PTPRN2: variants seen among roughly 807,000 people sequenced by gnomAD.
PTPRN2 encodes the protein protein tyrosine phosphatase receptor type N2.
PTPRN2 carries 74 observed loss-of-function variants against 118.8 expected under a neutral mutation model. The ratio of observed to expected loss-of-function variants is 0.62; its 90% CI spans 0.52 to 0.76. The LOEUF (loss-of-function observed/expected upper bound fraction) is 0.76, where lower values mean the gene tolerates loss of function less well. PTPRN2 is among the 30% of genes least tolerant of loss of function. The pLI is 0.00. For missense variants in PTPRN2, 1,481 were observed against 1,394.4 expected, an observed-to-expected ratio of 1.06 and a Z score of -0.99; for synonymous variants, 641 against 608.0, an observed-to-expected ratio of 1.05 and a Z score of -0.80.
At chr7:157,772,354 C>A (rs918527612) in intron 12 of PTPRN2, among the ~76,000 whole-genome samples, 1 of 151,836 alleles carries the variant, frequency 6.6e-6, no homozygotes, top group African/African-American at 2.4e-5. Flanking sequence ...TACACACACA[C>A]ACATACACAC....
intron 12 of PTPRN2, among the ~76,000 whole-genome samples, chr7:157,694,020 G>T (rs1248680432): frequency 2.0e-5 from 3 of 152,278 alleles, no homozygotes; most frequent in African/African-American, 7.2e-5. Flanking sequence ...CGACCCCAGA[G>T]CAAGGCGGAG....
chr7:157,966,990 G>T (rs1027905417), intron 11 of PTPRN2, among the ~76,000 whole-genome samples: 1 of 152,224 alleles, frequency 6.6e-6, no homozygotes, highest in Non-Finnish European at 1.5e-5. Context: ...TTTGGCTGCT[G>T]TTGTAACAAA....
chr7:157,976,682 A>G (rs1308649735), intron 11 of PTPRN2, among the ~76,000 whole-genome samples: 2 of 151,872 alleles, frequency 1.3e-5, no homozygotes, highest in Non-Finnish European at 2.9e-5. Flanking sequence ...GCTTGCACGT[A>G]GCCGTGGACT....
intron 8 of PTPRN2, 139 bp downstream of exon 8, chr7:158,136,516 A>G (rs1457333600): frequency 4.3e-6 from 3 of 705,770 alleles, no homozygotes; most frequent in Non-Finnish European, 7.3e-6. Context: ...CTGTTTTTCA[A>G]TTTGGAGATT....
chr7:158,444,068 C>T (rs77216520), intron 2 of PTPRN2, among the ~76,000 whole-genome samples: 2,526 of 152,334 alleles, frequency 0.017, 62 homozygotes, highest in African/African-American at 0.057. Context: ...TCCCACTGCA[C>T]GGGGAGGTGC....
intron 11 of PTPRN2, among the ~76,000 whole-genome samples, chr7:157,942,906 G>T (rs901929694): frequency 2.0e-5 from 3 of 152,096 alleles, no homozygotes; most frequent in African/African-American, 4.8e-5. Context: ...CTGGGCCCTG[G>T]GTCTCCATGC....
chr7:158,336,759 G>C (rs866049663), intron 2 of PTPRN2, among the ~76,000 whole-genome samples: 1,427 of 21,452 alleles, frequency 0.067, 31 homozygotes, highest in South Asian at 0.13. Context: ...CACACCCACA[G>C]TCTCACCATA....
chr7:158,270,789 CCACCTGGACCACCCCCT>C lies in PTPRN2; in HGVS notation c.277+46013_277+46029del, dbSNP rs1357150502. Among the ~76,000 whole-genome samples, 190 of 78,312 alleles carry C rather than the reference CCACCTGGACCACCCCCT, an allele frequency of 2.4e-3. 12 individuals are homozygous for C. Among genetic ancestry groups the C allele is most frequent in the East Asian group, 8.5e-3 (25 of 2,942 alleles). The allele number at this position is 78,312 out of a possible 152,430, so 51.4% of individuals were successfully genotyped here. On this transcript the variant is annotated intron_variant, in intron 3 of 22. Coordinates refer to ENST00000389418, the MANE Select transcript of PTPRN2 (RefSeq NM_002847.5). ...CACCCCGTCCACCTGGACCACCCCT[CCACCTGGACCACCCCCT>C]CACCTGGACCGCCCCCTCCACCTGG...
chr7:158,447,023 C>T (rs1008615294), intron 2 of PTPRN2, among the ~76,000 whole-genome samples: 5 of 152,208 alleles, frequency 3.3e-5, no homozygotes, highest in East Asian at 3.9e-4. Flanking sequence ...CCAGTAAGGA[C>T]GCAGCTAGGA....
chr7:158,047,454 CGAGGCCTGCCTGCAGTCACTGAGCGTGT>C (rs1563359298), intron 11 of PTPRN2, among the ~76,000 whole-genome samples: 5 of 152,198 alleles, frequency 3.3e-5, no homozygotes, highest in South Asian at 2.1e-4. Flanking sequence ...TTGTGCTGTG[CGAGGCCTGCCTGCAGTCACTGAGCGTGT>C]GAGGCCTGCC....
At chr7:158,256,288 G>C (rs1355023729) in intron 3 of PTPRN2, among the ~76,000 whole-genome samples, 1 of 152,106 alleles carries the variant, frequency 6.6e-6, no homozygotes, top group African/African-American at 2.4e-5. Context: ...ATGCCGACTG[G>C]CTGAGGAAAG....
intron 2 of PTPRN2, among the ~76,000 whole-genome samples, chr7:158,351,432 G>A (rs1312756350): frequency 1.3e-5 from 2 of 152,174 alleles, no homozygotes; most frequent in East Asian, 1.9e-4. Context: ...GGGGCGACTC[G>A]TACACTGTAC....
intron 9 of PTPRN2, among the ~76,000 whole-genome samples, chr7:158,127,487 G>A (rs1817796294): frequency 6.6e-6 from 1 of 152,118 alleles, no homozygotes; most frequent in Non-Finnish European, 1.5e-5. Context: ...GCTGCCGTGG[G>A]ACCCTGACCC....
chr7:158,523,664 C>T (rs1371334976), intron 1 of PTPRN2, among the ~76,000 whole-genome samples: 1 of 87,932 alleles, frequency 1.1e-5, no homozygotes, highest in African/African-American at 4.1e-5. Flanking sequence ...GGAGTGGAGT[C>T]GTCTGCCCTG....
chr7:158,471,983 G>A (rs1337472149), intron 2 of PTPRN2, among the ~76,000 whole-genome samples: 5 of 151,732 alleles, frequency 3.3e-5, no homozygotes, highest in Non-Finnish European at 5.9e-5. Flanking sequence ...GCCCCGCCAC[G>A]GTTCCGGCCC....
chr7:158,475,149 C>T (rs899007926), intron 2 of PTPRN2, among the ~76,000 whole-genome samples: 1 of 152,140 alleles, frequency 6.6e-6, no homozygotes, highest in Non-Finnish European at 1.5e-5. Flanking sequence ...CGGTGGCAGG[C>T]GGGAGGGCTC....
At chr7:157,708,107 C>T (rs1309026100) in intron 12 of PTPRN2, among the ~76,000 whole-genome samples, 2 of 152,270 alleles carry the variant, frequency 1.3e-5, no homozygotes, top group African/African-American at 2.4e-5. Flanking sequence ...TCCCTGTAAG[C>T]AGGACAGTGG....
At chr7:158,244,682 G>A (rs1796089523) in intron 3 of PTPRN2, among the ~76,000 whole-genome samples, 1 of 151,542 alleles carries the variant, frequency 6.6e-6, no homozygotes, top group African/African-American at 2.4e-5. Flanking sequence ...TCTGTAAGCT[G>A]TGTAAGTTGT....
chr7:157,752,062 G>A (rs1439191775), intron 12 of PTPRN2, among the ~76,000 whole-genome samples: 1 of 152,158 alleles, frequency 6.6e-6, no homozygotes. Flanking sequence ...CAGGCTGCAA[G>A]CTCCCAAGCA....
Sources: gnomAD v4.1 joint callset for allele counts (sites outside exome capture counted in the v4.1 genomes callset) on GRCh38, gnomAD v4.1.1 for gene constraint, MANE v1.5 for transcripts, NCBI Gene and HGNC (gene_info 2026-07-23, HGNC 2026-07-21) for gene names.